Variants in SH3BP4 observed in about 807,000 individuals in gnomAD.
SH3BP4 encodes the protein SH3 domain-binding protein 4.
Under a neutral mutation model 65.5 loss-of-function variants are expected in SH3BP4, and 33 were observed. The observed-to-expected ratio is 0.50, with a 90% CI of 0.38 to 0.67. The LOEUF (loss-of-function observed/expected upper bound fraction) is 0.67. Among genes scored for constraint, SH3BP4 ranks in the 30% least tolerant of loss-of-function variants. SH3BP4 has a pLI of 0.00. For synonymous variants in SH3BP4, 552 were observed against 545.5 expected (o/e 1.01, Z -0.17); for missense variants, 1,134 against 1,261.4 (o/e 0.90, Z 1.53).
At position 234,995,308 on chromosome 2, in the gene SH3BP4, C is replaced by T. The variant is rs1007594799; in HGVS notation, c.-201C>T. On this transcript the variant is annotated 5_prime_UTR_variant, in exon 2 of 6. Transcript: ENST00000392011. ...GTTTCCTTCTTGTCTTGCAGCGTCT[C>T]CCTTCTCTCCTGGACAGAAGGCCGT... 1.3e-5 allele frequency: 2 copies of T among 152,352 alleles called. No homozygotes were observed. The highest frequency in any genetic ancestry group is 2.9e-5 in the Non-Finnish European group (2 of 68,172). The allele number at this position is 152,352 out of a possible 1,614,324, so 9.4% of individuals were successfully genotyped here.
intron 2 of SH3BP4, among the ~76,000 whole-genome samples, chr2:235,015,118 T>TA (rs933151438): frequency 1.3e-5 from 2 of 152,118 alleles, no homozygotes; most frequent in African/African-American, 4.8e-5. Context: ...TCAGTGGAGG[T>TA]AAAATTTAGT....
intron 2 of SH3BP4, among the ~76,000 whole-genome samples, chr2:235,012,095 G>T (rs1313397783): frequency 3.9e-5 from 6 of 152,218 alleles, no homozygotes; most frequent in Admixed American, 2.0e-4. Context: ...CAGCTTATTG[G>T]TTTAAACACT....
Position 234,987,420 on chromosome 2 carries a change from T to G in SH3BP4, c.-206-7883T>G, listed in dbSNP as rs73124267. Among the ~76,000 whole-genome samples the G allele has an allele frequency of 9.0e-3, 1,376 of 152,194 alleles. 16 individuals are homozygous for G. The highest frequency in any genetic ancestry group is 0.028 in the African/African-American group (1,170 of 41,534). ...GAAACCCACATGAACTTGATGTACG[T>G]TAGAGCCCCATGTTACAGTTGAGGA... On this transcript the variant is annotated intron_variant, in intron 1 of 5. Transcript: ENST00000392011.
rs192245787 is a variant in SH3BP4 at position 234,956,710 on chromosome 2, C to T, written c.-207+4540C>T. On this transcript the variant is annotated intron_variant, in intron 1 of 5. Coordinates refer to ENST00000392011, the MANE Select transcript of SH3BP4 (RefSeq NM_014521.3). Reference sequence around the variant, plus strand: ...CTGGAACTACAGGTGCACACCAGCACGCCCGGGTAGTTTTTTTTTTTAAAT... The same window carrying T: ...CTGGAACTACAGGTGCACACCAGCATGCCCGGGTAGTTTTTTTTTTTAAAT... Among the ~76,000 whole-genome samples the T allele has an allele frequency of 1.8e-3, 274 of 151,076 alleles. 2 individuals carry two copies. Among genetic ancestry groups the T allele is most frequent in the Admixed American group, 7.1e-3 (108 of 15,174 alleles).
intron 1 of SH3BP4, among the ~76,000 whole-genome samples, chr2:234,955,355 A>G (rs561508091): frequency 2.6e-5 from 4 of 152,072 alleles, no homozygotes; most frequent in African/African-American, 9.6e-5. Flanking sequence ...TTCTGCCACC[A>G]CCCTGTGGAG....
At position 235,038,320 on chromosome 2, in the gene SH3BP4, T is replaced by TATATATAATATATA. The variant is rs1695483477; in HGVS notation, c.119-2561_119-2560insATATATAATATATA. On this transcript the variant is annotated intron_variant, in intron 3 of 5. Coordinates refer to ENST00000392011, the MANE Select transcript of SH3BP4 (RefSeq NM_014521.3). ...TATATTATATATATATATTATATAT[T>TATATATAATATATA]ATATATATATTATATATAGTATATA... Among the ~76,000 whole-genome samples the TATATATAATATATA allele has an allele frequency of 3.3e-4, 5 of 15,072 alleles. 1 individual carries two copies. The highest frequency in any genetic ancestry group is 1.5e-3 in the African/African-American group (5 of 3,276). 9.9% of individuals were successfully genotyped at this position (15,072 alleles called of 152,430 possible).
At chr2:235,017,679 C>G (rs1420345246) in intron 2 of SH3BP4, among the ~76,000 whole-genome samples, 1 of 152,118 alleles carries the variant, frequency 6.6e-6, no homozygotes, top group African/African-American at 2.4e-5. Context: ...CTCTCCTGCC[C>G]TCCAGGGGCC....
At chr2:234,988,751 T>C (rs1228121826) in intron 1 of SH3BP4, among the ~76,000 whole-genome samples, 1 of 152,160 alleles carries the variant, frequency 6.6e-6, no homozygotes, top group Non-Finnish European at 1.5e-5. Context: ...ACAAAGCCGT[T>C]GCGGGTGCTG....
rs776921151 is a variant in SH3BP4, at chr2:234,998,316, G to A, written c.-133+2940G>A. On this transcript the variant is annotated intron_variant, in intron 2 of 5. Coordinates refer to ENST00000392011, the MANE Select transcript of SH3BP4 (RefSeq NM_014521.3). ...AAATCATGAGCCACAAACAGGAGACGTAAAAATGAACAGGTAAACATAATT... is the reference window on the plus strand; with the variant it reads ...AAATCATGAGCCACAAACAGGAGACATAAAAATGAACAGGTAAACATAATT... Among the ~76,000 whole-genome samples the A allele has an allele frequency of 9.9e-5, 15 of 152,198 alleles. No individual in the cohort carries two copies. The East Asian group carries it at 2.3e-3, about 24-fold the overall frequency.
At position 235,041,282 on chromosome 2, in the gene SH3BP4, G is replaced by T; in HGVS notation, c.513G>T (p.Leu171=). The change falls in exon 4 of 6, where the codon CTG becomes CTT. Residue 171 remains leucine (L), a synonymous_variant. Transcript: ENST00000392011. The surrounding 1 kb of genome is among the most constrained non-coding windows in gnomAD (Gnocchi z 6.0). ...ATGGGGTCCAGACCAATCCATTTCT[G>T]AATGGGAACGTGCCCGTCATGCCCA... ...FWNGVQTNPF[L]NGNVPVMPSL... 2.5e-6 allele frequency: 4 copies of T among 1,614,158 alleles called. No homozygotes were observed. The highest frequency in any genetic ancestry group is 3.4e-6 in the Non-Finnish European group (4 of 1,180,046).
chr2:234,958,046 TC>T (rs1441832376), intron 1 of SH3BP4, among the ~76,000 whole-genome samples: 2 of 152,084 alleles, frequency 1.3e-5, no homozygotes, highest in East Asian at 3.9e-4. Flanking sequence ...AAAAGAGTCT[TC>T]CTTCCAGGAA....
At position 235,042,610 on chromosome 2, in the gene SH3BP4, A is replaced by G. The variant is rs759526032; in HGVS notation, c.1841A>G (p.Lys614Arg). 34 of 1,613,962 alleles carry G rather than the reference A, an allele frequency of 2.1e-5. No homozygotes were observed. In the Admixed American group the frequency reaches 5.5e-4, roughly 26 times the overall value. ...FCVQTPQPPP[K>R]SAIKPSGQRR... ...GTCCAGACTCCTCAGCCACCCCCTA[A>G]AAGTGCCATCAAGCCTTCCGGGCAA... is the stretch of plus-strand genomic sequence containing the variant. Residue 614 changes from lysine (K) to arginine (R), a missense_variant, in exon 4 of 6, where the codon AAA becomes AGA. Transcript: ENST00000392011. This position sits in a 1 kb window ranked among gnomAD's most constrained non-coding sequence, Gnocchi z 7.3.
chr2:235,009,462 G>T (rs1694405715), intron 2 of SH3BP4, among the ~76,000 whole-genome samples: 1 of 152,198 alleles, frequency 6.6e-6, no homozygotes, highest in Non-Finnish European at 1.5e-5. Flanking sequence ...GGAGGACGGA[G>T]CTCCTAGGTC....
chr2:234,971,805 T>C (rs1050467846), intron 1 of SH3BP4, among the ~76,000 whole-genome samples: 5 of 152,162 alleles, frequency 3.3e-5, no homozygotes, highest in African/African-American at 1.2e-4. Context: ...TGTAAAGTTT[T>C]CCTTTTTCTT....
intron 1 of SH3BP4, among the ~76,000 whole-genome samples, chr2:234,980,712 C>A (rs1162713461): frequency 6.6e-6 from 1 of 152,118 alleles, no homozygotes; most frequent in African/African-American, 2.4e-5. Flanking sequence ...TGCTCCCCTC[C>A]CTCAATATTG....
rs1260042765 is a variant in SH3BP4 at position 234,978,732 on chromosome 2, G to C, written c.-206-16571G>C. The C allele has an allele frequency of 6.6e-6, 1 of 152,192 alleles. No individual in the cohort carries two copies. Among genetic ancestry groups the C allele is most frequent in the Non-Finnish European group, 1.5e-5 (1 of 68,054 alleles). The allele number at this position is 152,192 out of a possible 1,614,324, so 9.4% of individuals were successfully genotyped here. A position where few individuals can be genotyped will look rare whatever the true frequency, so the allele number is the denominator to read the frequency against. On this transcript the variant is annotated intron_variant, in intron 1 of 5. Transcript: ENST00000392011. This position sits in a 1 kb window ranked among gnomAD's most constrained non-coding sequence, Gnocchi z 4.1. ...CAGAGACAAGCACCCCAACAGTAGG[G>C]TGCTTCGAGGTCCTGGAGGGGAGCC...
chr2:234,998,944 C>G (rs563668980), intron 2 of SH3BP4, among the ~76,000 whole-genome samples: 2 of 152,172 alleles, frequency 1.3e-5, no homozygotes, highest in Admixed American at 1.3e-4. Flanking sequence ...CTGACCTCCC[C>G]GTAATCAGCA....
Position 235,041,571 on chromosome 2 carries a change from G to T in SH3BP4, c.802G>T (p.Gly268Cys). ...DAPTSSSFFT[G>C]LKSPAPEQFQ... ...TCCCACATCGTCGAGTTTCTTCACC[G>T]GCTTGAAATCACCTGCCCCCGAGCA... Residue 268 changes from glycine to cysteine, a missense_variant, in exon 4 of 6, where the codon GGC becomes TGC. Transcript: ENST00000392011. This position sits in a 1 kb window ranked among gnomAD's most constrained non-coding sequence, Gnocchi z 6.0. 6.2e-7 allele frequency: 1 copy of T among 1,614,050 alleles called. No individual in the cohort carries two copies. The highest frequency in any genetic ancestry group is 2.2e-5 in the East Asian group (1 of 44,870).
chr2:235,041,317 A>G lies in SH3BP4; in HGVS notation c.548A>G (p.Glu183Gly). The G allele has an allele frequency of 2.5e-6, 4 of 1,614,196 alleles. No homozygotes were observed. The highest frequency in any genetic ancestry group is 3.4e-6 in the Non-Finnish European group (4 of 1,180,042). ...GTGCCCGTCATGCCCAGCCTGGATG[A>G]GCTGAATCCCAAAAGTACTGTGGAT... ...GNVPVMPSLDELNPKSTVDLL... is the reference protein window; with the variant it reads ...GNVPVMPSLDGLNPKSTVDLL... The change falls in exon 4 of 6, where the codon GAG becomes GGG. Residue 183 changes from glutamate to glycine, a missense_variant. Coordinates refer to ENST00000392011, the MANE Select transcript of SH3BP4 (RefSeq NM_014521.3). This position sits in a 1 kb window ranked among gnomAD's most constrained non-coding sequence, Gnocchi z 6.0.
Sources: allele counts gnomAD v4.1 joint callset (sites outside exome capture counted in the v4.1 genomes callset), GRCh38; gene constraint gnomAD v4.1.1; non-coding constraint Gnocchi (gnomAD v3.1); transcripts MANE v1.5; gene names NCBI Gene and HGNC (gene_info 2026-07-23, HGNC 2026-07-21).